SAMD5: variants seen among roughly 807,000 people sequenced by gnomAD.
SAMD5 encodes sterile alpha motif domain-containing protein 5.
A neutral mutation model predicts 11.3 loss-of-function variants in SAMD5; 13 were observed. The observed-to-expected ratio is 1.15, with a 90% CI of 0.75 to 1.83. The LOEUF (loss-of-function observed/expected upper bound fraction) is 1.83, where lower values mean the gene tolerates loss of function less well. Among genes scored for constraint, SAMD5 ranks in the 40% most tolerant of loss-of-function variants. The pLI is 0.00. For missense variants in SAMD5, 255 were observed against 239.1 expected, an observed-to-expected ratio of 1.07 and a Z score of -0.44; for synonymous variants, 129 against 111.3, an observed-to-expected ratio of 1.16 and a Z score of -1.00.
At chr6:147,857,526 A>G in the SAMD5 span, among the ~76,000 whole-genome samples, 29 of 151,852 alleles carry the variant, frequency 1.9e-4, 2 homozygotes, top group African/African-American at 5.1e-4. Flanking sequence ...AAAAAATTAT[A>G]TAATGATAAT....
intron 1 of SAMD5, among the ~76,000 whole-genome samples, chr6:147,535,291 G>A (rs1230660404): frequency 1.3e-5 from 2 of 152,162 alleles, no homozygotes; most frequent in African/African-American, 4.8e-5. Context: ...GCAAACATTA[G>A]TATTTTTATT....
At chr6:147,636,325 A>G (rs969451103) in intron 1 of SAMD5, among the ~76,000 whole-genome samples, 1 of 152,150 alleles carries the variant, frequency 6.6e-6, no homozygotes, top group Non-Finnish European at 1.5e-5. Context: ...AACACCAAGA[A>G]ATGCCATTTT....
At chr6:147,639,185 A>G (rs1266228434) in intron 1 of SAMD5, among the ~76,000 whole-genome samples, 1 of 152,216 alleles carries the variant, frequency 6.6e-6, no homozygotes, top group Non-Finnish European at 1.5e-5. Context: ...GGAAGCCAGA[A>G]TTTCTAGCTT....
the SAMD5 span, among the ~76,000 whole-genome samples, chr6:147,780,242 C>T: frequency 6.6e-6 from 1 of 151,584 alleles, no homozygotes; most frequent in African/African-American, 2.4e-5. Flanking sequence ...GCTCTGTCAC[C>T]TGTCCCCCAG....
At chr6:147,860,111 C>T in the SAMD5 span, among the ~76,000 whole-genome samples, 1 of 151,824 alleles carries the variant, frequency 6.6e-6, no homozygotes, top group Non-Finnish European at 1.5e-5. Context: ...CAGGGCCTTG[C>T]TCTCTCTCTC....
At chr6:147,545,306 G>A (rs1056096135) in intron 1 of SAMD5, among the ~76,000 whole-genome samples, 3 of 152,128 alleles carry the variant, frequency 2.0e-5, no homozygotes, top group Admixed American at 1.3e-4. Context: ...TAACGAATAC[G>A]GATTAGTCCT....
chr6:147,618,141 G>C (rs893646490), intron 1 of SAMD5, among the ~76,000 whole-genome samples: 1 of 152,180 alleles, frequency 6.6e-6, no homozygotes, highest in Admixed American at 6.5e-5. Context: ...ATATAACTAA[G>C]GCAAAGAGGT....
At chr6:147,682,675 G>A (rs1041046169) in intron 1 of SAMD5, among the ~76,000 whole-genome samples, 2 of 152,128 alleles carry the variant, frequency 1.3e-5, no homozygotes, top group Admixed American at 1.3e-4. Context: ...TTAGTTTTCA[G>A]CAATTTCAGA....
At chr6:147,783,453 G>A in the SAMD5 span, among the ~76,000 whole-genome samples, 1 of 152,140 alleles carries the variant, frequency 6.6e-6, no homozygotes, top group Admixed American at 6.5e-5. Flanking sequence ...GCGTGCAGTG[G>A]CACAATCTCG....
At chr6:147,952,200 A>G in the SAMD5 span, among the ~76,000 whole-genome samples, 1 of 152,186 alleles carries the variant, frequency 6.6e-6, no homozygotes, top group African/African-American at 2.4e-5. Context: ...TGCCATCTTT[A>G]TGTGTAAGTA....
At chr6:147,647,218 A>G (rs1312611651) in intron 1 of SAMD5, among the ~76,000 whole-genome samples, 3 of 152,136 alleles carry the variant, frequency 2.0e-5, no homozygotes, top group Non-Finnish European at 4.4e-5. Context: ...CTCATTAAGT[A>G]AAAATAGATC....
chr6:147,896,568 C>T, the SAMD5 span, among the ~76,000 whole-genome samples: 94 of 151,612 alleles, frequency 6.2e-4, no homozygotes, highest in Non-Finnish European at 1.0e-3. Context: ...GATGTGGAGA[C>T]GGGATGTGCA....
chr6:147,745,042 T>G, the SAMD5 span, among the ~76,000 whole-genome samples: 3 of 152,142 alleles, frequency 2.0e-5, no homozygotes, highest in Non-Finnish European at 4.4e-5. Context: ...AATTGTATAT[T>G]TGATAATATC....
chr6:147,881,533 G>T, the SAMD5 span, among the ~76,000 whole-genome samples: 2 of 152,144 alleles, frequency 1.3e-5, no homozygotes, highest in Non-Finnish European at 2.9e-5. Flanking sequence ...CCTCCATACG[G>T]TAGAGGTGTT....
chr6:147,857,783 CTAAT>C, the SAMD5 span, among the ~76,000 whole-genome samples: 1 of 152,092 alleles, frequency 6.6e-6, no homozygotes, highest in Non-Finnish European at 1.5e-5. Context: ...GTACAAAGGG[CTAAT>C]TAATTGGCAT....
At position 147,590,560 on chromosome 6, in the gene SAMD5, G is replaced by A. The variant is rs146472146; in HGVS notation, c.162+81173G>A. ...CCTGAGTAGCTGGGATTACAGGCAC[G>A]CACTGCCATGCCTGGTTAATTTTTG... On this transcript the variant is annotated intron_variant, in intron 1 of 1. Transcript: ENST00000566741. Among the ~76,000 whole-genome samples the A allele has an allele frequency of 8.8e-4, 134 of 152,174 alleles. 2 individuals are homozygous for A. The highest frequency in any genetic ancestry group is 2.9e-3 in the African/African-American group (121 of 41,540).
At chr6:147,656,391 C>T (rs141812711) in intron 1 of SAMD5, among the ~76,000 whole-genome samples, 2 of 152,178 alleles carry the variant, frequency 1.3e-5, no homozygotes, top group African/African-American at 4.8e-5. Context: ...CAAACAAATA[C>T]ACAAACTATC....
At chr6:147,863,180 A>T in the SAMD5 span, among the ~76,000 whole-genome samples, 5 of 152,342 alleles carry the variant, frequency 3.3e-5, no homozygotes, top group East Asian at 9.6e-4. Flanking sequence ...ATTTCTTGAC[A>T]TACTGGAAAG....
At chr6:147,661,348 A>G (rs1467782522) in intron 1 of SAMD5, among the ~76,000 whole-genome samples, 2 of 152,206 alleles carry the variant, frequency 1.3e-5, no homozygotes, top group Non-Finnish European at 1.5e-5. Context: ...CAGATCTGCT[A>G]TCATTGCAGA....
Sources: allele counts gnomAD v4.1 joint callset (sites outside exome capture counted in the v4.1 genomes callset), GRCh38; gene constraint gnomAD v4.1.1; transcripts MANE v1.5; gene names NCBI Gene and HGNC (gene_info 2026-07-23, HGNC 2026-07-21).